BMAL1: variants seen among roughly 807,000 people sequenced by gnomAD.
BMAL1 encodes basic helix-loop-helix ARNT-like protein 1.
the BMAL1 span, among the ~76,000 whole-genome samples, chr11:13,326,913 G>A: frequency 2.0e-5 from 3 of 151,830 alleles, no homozygotes; most frequent in Non-Finnish European, 2.9e-5. Flanking sequence ...TCTGCTTCCC[G>A]GGTTCACGCC....
At chr11:13,322,778 CTTTTT>C in the BMAL1 span, among the ~76,000 whole-genome samples, 11 of 50,344 alleles carry the variant, frequency 2.2e-4, no homozygotes, top group South Asian at 8.2e-4. Context: ...GTGAGCAAGT[CTTTTT>C]TTTTTTTTTT....
the BMAL1 span, among the ~76,000 whole-genome samples, chr11:13,287,101 C>T: frequency 6.6e-6 from 1 of 152,146 alleles, no homozygotes. Flanking sequence ...CCTCCCTTCC[C>T]ACCTCTGAGT....
At chr11:13,371,096 A>G in the BMAL1 span, among the ~76,000 whole-genome samples, 4 of 152,220 alleles carry the variant, frequency 2.6e-5, no homozygotes, top group Admixed American at 2.0e-4. Flanking sequence ...TGTCTCCCCC[A>G]CTAGGCTGTA....
chr11:13,354,417 C>G, the BMAL1 span: 1 of 1,614,122 alleles, frequency 6.2e-7, no homozygotes, highest in Non-Finnish European at 8.5e-7. Context: ...GGATTGCAAC[C>G]GCAAACGGAA....
At chr11:13,360,540 C>A in the BMAL1 span, 1 of 822,910 alleles carries the variant, frequency 1.2e-6, no homozygotes, top group Non-Finnish European at 1.9e-6. Context: ...GGCCTGCTTC[C>A]TCTCTCAGGT....
chr11:13,299,472 G>A, the BMAL1 span, among the ~76,000 whole-genome samples: 1 of 152,146 alleles, frequency 6.6e-6, no homozygotes, highest in African/African-American at 2.4e-5. Context: ...CTGGGGAGGG[G>A]TGGTTAGGTA....
the BMAL1 span, among the ~76,000 whole-genome samples, chr11:13,288,316 C>T: frequency 6.6e-5 from 10 of 152,012 alleles, no homozygotes; most frequent in Admixed American, 6.6e-5. Context: ...CATGGGAGCT[C>T]TCGACCACTG....
the BMAL1 span, among the ~76,000 whole-genome samples, chr11:13,340,964 C>T: frequency 4.6e-5 from 7 of 152,208 alleles, no homozygotes; most frequent in Non-Finnish European, 7.3e-5. Flanking sequence ...CTGGAAGTCA[C>T]CTAACTTGCC....
At chr11:13,311,259 C>T in the BMAL1 span, among the ~76,000 whole-genome samples, 4 of 152,142 alleles carry the variant, frequency 2.6e-5, no homozygotes, top group African/African-American at 9.7e-5. Context: ...GGAATGGAAG[C>T]CATAGGATTA....
At chr11:13,280,223 A>G in the BMAL1 span, among the ~76,000 whole-genome samples, 1 of 152,258 alleles carries the variant, frequency 6.6e-6, no homozygotes, top group Non-Finnish European at 1.5e-5. Context: ...TCCATTTCAA[A>G]TGATTTATAA....
chr11:13,323,832 G>A, the BMAL1 span, among the ~76,000 whole-genome samples: 37 of 152,182 alleles, frequency 2.4e-4, no homozygotes, highest in African/African-American at 8.4e-4. Flanking sequence ...GGCCAGGCTG[G>A]TCTCAAACTC....
the BMAL1 span, among the ~76,000 whole-genome samples, chr11:13,284,162 GTGTA>G: frequency 8.7e-4 from 72 of 82,454 alleles, 3 homozygotes; most frequent in African/African-American, 2.8e-3. Flanking sequence ...ATATATATGT[GTGTA>G]TATATATATA....
At chr11:13,345,764 T>C in the BMAL1 span, among the ~76,000 whole-genome samples, 2 of 152,204 alleles carry the variant, frequency 1.3e-5, no homozygotes, top group African/African-American at 4.8e-5. Flanking sequence ...AATGAATGGA[T>C]AGGTTATTGT....
the BMAL1 span, among the ~76,000 whole-genome samples, chr11:13,328,836 C>T: frequency 2.0e-5 from 3 of 152,214 alleles, no homozygotes; most frequent in Non-Finnish European, 2.9e-5. Context: ...AATTCCACTT[C>T]TATCACTTAT....
At chr11:13,322,746 C>T in the BMAL1 span, among the ~76,000 whole-genome samples, 1 of 148,668 alleles carries the variant, frequency 6.7e-6, no homozygotes, top group Admixed American at 6.7e-5. Context: ...TCTTGGAAGA[C>T]CTCATAGAGA....
chr11:13,314,229 CCACACACACACACA>C, the BMAL1 span, among the ~76,000 whole-genome samples: 61 of 138,744 alleles, frequency 4.4e-4, no homozygotes, highest in Middle Eastern at 3.7e-3. Context: ...AGGGTGGAGA[CCACACACACACACA>C]CACACACACA....
chr11:13,369,897 G>T, the BMAL1 span: 1 of 1,148,236 alleles, frequency 8.7e-7, no homozygotes, highest in South Asian at 1.6e-5. Context: ...CTGCAGACAG[G>T]ACCCTGCAGT....
At chr11:13,359,557 A>G in the BMAL1 span, among the ~76,000 whole-genome samples, 63 of 152,352 alleles carry the variant, frequency 4.1e-4, no homozygotes, top group African/African-American at 1.4e-3. Context: ...TACAGTAAAG[A>G]GCAGGGATAG....
the BMAL1 span, among the ~76,000 whole-genome samples, chr11:13,282,963 A>C: frequency 6.6e-6 from 1 of 152,200 alleles, no homozygotes; most frequent in Non-Finnish European, 1.5e-5. Context: ...CAGGGCCATA[A>C]GTGGACATGG....
Sources: gnomAD v4.1 joint callset for allele counts (sites outside exome capture counted in the v4.1 genomes callset) on GRCh38, gnomAD v4.1.1 for gene constraint, MANE v1.5 for transcripts, NCBI Gene and HGNC (gene_info 2026-07-23, HGNC 2026-07-21) for gene names.